The following USP30 variants were observed in gnomAD, a reference collection of about 807,000 sequenced individuals.
USP30 encodes ubiquitin carboxyl-terminal hydrolase 30.
In USP30, 41 loss-of-function variants were observed where a neutral mutation model predicts 68.2. That is an observed-to-expected ratio of 0.60 (90% CI 0.47 to 0.78). USP30 has a LOEUF of 0.78. Among genes scored for constraint, USP30 ranks in the 30% least tolerant of loss-of-function variants. USP30 has a pLI of 0.00. For missense variants in USP30, 522 were observed against 649.4 expected (o/e 0.80, Z 2.13); for synonymous variants, 229 against 253.7 (o/e 0.90, Z 0.93).
chr12:109,058,021 G>T lies in USP30; in HGVS notation c.289G>T (p.Glu97Ter). 1 of 1,614,138 alleles carries T rather than the reference G, an allele frequency of 6.2e-7. No individual in the cohort carries two copies. Among genetic ancestry groups the T allele is most frequent in the Non-Finnish European group, 8.5e-7 (1 of 1,180,032 alleles). Residue 97 changes from glutamate (E) to a stop codon, truncating the protein, a stop_gained, in exon 3 of 13, where the codon GAA becomes TAA. Transcript: ENST00000257548. LOFTEE classifies it high-confidence loss of function. ...CTGTCCTGCTTTCATCAGGTGGCTG[G>T]AAGAGTTCACCTCCCAGTACTCCAG... is the stretch of plus-strand genomic sequence containing the variant. ...SACPAFIRWL[E>*]EFTSQYSRDQ... is the part of the protein sequence containing the mutation.
chr12:109,052,592 C>T lies in USP30; in HGVS notation c.-87C>T. ...GCTGGGACTGCGGCCGCAGGTTCCG[C>T]TGTCTCGGGAACCGTCGTATCCCTC... On this transcript the variant is annotated 5_prime_UTR_variant, in exon 1 of 13. Transcript: ENST00000257548. 2 of 1,326,464 alleles carry T rather than the reference C, an allele frequency of 1.5e-6. No individual in the cohort carries two copies. The highest frequency in any genetic ancestry group is 2.0e-6 in the Non-Finnish European group (2 of 1,021,038). 82.2% of individuals were successfully genotyped at this position (1,326,464 alleles called of 1,614,324 possible). A position where few individuals can be genotyped will look rare whatever the true frequency, so the allele number is the denominator to read the frequency against.
intron 3 of USP30, among the ~76,000 whole-genome samples, chr12:109,045,706 T>C (rs2040598181): frequency 6.6e-6 from 1 of 152,158 alleles, no homozygotes; most frequent in Non-Finnish European, 1.5e-5. Flanking sequence ...CATGGGGTCT[T>C]GTCGGTAACA....
intron 3 of USP30, among the ~76,000 whole-genome samples, chr12:109,029,684 G>T (rs1267291468): frequency 1.3e-5 from 2 of 152,192 alleles, no homozygotes; most frequent in Non-Finnish European, 2.9e-5. Context: ...TAGAAGAGAA[G>T]TGATTTCCTT....
chr12:109,085,714 G>A lies in USP30; in HGVS notation c.1337G>A (p.Gly446Glu). The stretch of plus-strand genomic sequence containing the variant: ...CTGATGGCAGTTGTCGTCCACCATG[G>A]AGACATGCACTCTGGACACTTTGTC... ...FRLMAVVVHHGDMHSGHFVTY... is the reference protein window; with the variant it reads ...FRLMAVVVHHEDMHSGHFVTY... The change falls in exon 13 of 13, where the codon GGA becomes GAA. Residue 446 changes from glycine to glutamate, a missense_variant. Transcript: ENST00000257548. 1 of 1,614,182 alleles carries A rather than the reference G, an allele frequency of 6.2e-7. No homozygotes were observed. The highest frequency in any genetic ancestry group is 8.5e-7 in the Non-Finnish European group (1 of 1,180,038).
chr12:109,046,428 TTTC>T (rs2040606134), intron 3 of USP30, among the ~76,000 whole-genome samples: 2 of 151,764 alleles, frequency 1.3e-5, no homozygotes, highest in South Asian at 4.2e-4. Flanking sequence ...TTTTTTTTTT[TTTC>T]TTCCTCTTCA....
At chr12:109,055,400 A>ATATATATATATATTTT (rs1298811530) in intron 1 of USP30, among the ~76,000 whole-genome samples, 5 of 24,474 alleles carry the variant, frequency 2.0e-4, no homozygotes, top group African/African-American at 5.5e-4. Context: ...ATATATATAT[A>ATATATATATATATTTT]TTTTTTTTTT....
chr12:109,073,965 C>A (rs2041520712), intron 7 of USP30, among the ~76,000 whole-genome samples: 4 of 152,144 alleles, frequency 2.6e-5, no homozygotes, highest in Admixed American at 6.5e-5. Context: ...ACTCCGGGAT[C>A]AGTCAACTTT....
intron 3 of USP30, among the ~76,000 whole-genome samples, chr12:109,035,614 G>A (rs1447974372): frequency 6.6e-6 from 1 of 152,006 alleles, no homozygotes; most frequent in African/African-American, 2.4e-5. Flanking sequence ...CGCCCACCTC[G>A]GCCTCCCAAA....
rs1046410136 is a variant in USP30, at chr12:109,082,430, T to C, written c.868-233T>C. 16 of 568,500 alleles carry C rather than the reference T, an allele frequency of 2.8e-5. No individual in the cohort carries two copies. In the African/African-American group the frequency reaches 3.0e-4, roughly 11 times the overall value. 35.2% of individuals were successfully genotyped at this position (568,500 alleles called of 1,614,324 possible). A position where few individuals can be genotyped will look rare whatever the true frequency, so the allele number is the denominator to read the frequency against. On this transcript the variant is annotated intron_variant, in intron 9 of 12. Coordinates refer to ENST00000257548, the MANE Select transcript of USP30 (RefSeq NM_032663.5). ...GAACAATTAATAGATGACATGCCAG[T>C]GTCAGAGCATCAGTGTTCGCTCTTC...
In USP30 at chr12:109,035,418, C is replaced by T. The variant is rs190837454; in HGVS notation, c.-136+7862C>T. ...CTCACTCTATTGCCAGGCTGGAGTG[C>T]AGTGGCACAATCTCGGCTTACTGCA... is the stretch of plus-strand genomic sequence containing the variant. On this transcript the variant is annotated intron_variant, in intron 3 of 15. Coordinates refer to the USP30 transcript ENST00000392784. Among the ~76,000 whole-genome samples, 37 of 152,138 alleles carry T rather than the reference C, an allele frequency of 2.4e-4. No homozygotes were observed. The East Asian group carries it at 6.9e-3, about 29-fold the overall frequency.
intron 2 of USP30, among the ~76,000 whole-genome samples, chr12:109,057,237 A>G (rs920467631): frequency 7.2e-5 from 11 of 151,952 alleles, no homozygotes; most frequent in African/African-American, 2.2e-4. Flanking sequence ...GTGTGGCTCT[A>G]TGTAACATTG....
intron 8 of USP30, 151 bp from the exon 9 acceptor site, chr12:109,081,782 A>G (rs1034613853): frequency 9.0e-6 from 7 of 776,800 alleles, no homozygotes; most frequent in African/African-American, 1.7e-5. Flanking sequence ...TTTGAGCCCC[A>G]TGTTTGTCCA....
upstream of USP30, among the ~76,000 whole-genome samples, chr12:109,051,572 CTT>C (rs35169304): frequency 5.2e-5 from 5 of 96,002 alleles, no homozygotes; most frequent in Admixed American, 1.3e-4. Context: ...CACCTGACCT[CTT>C]TTTTTTTTTT....
At chr12:109,083,925 G>A (rs1183976902) in intron 11 of USP30, among the ~76,000 whole-genome samples, 1 of 152,100 alleles carries the variant, frequency 6.6e-6, no homozygotes, top group Non-Finnish European at 1.5e-5. Flanking sequence ...GATTAACATC[G>A]AAAAGAGATG....
At chr12:109,064,187 T>C (rs1170388214) in intron 3 of USP30, among the ~76,000 whole-genome samples, 1 of 151,996 alleles carries the variant, frequency 6.6e-6, no homozygotes, top group Non-Finnish European at 1.5e-5. Context: ...TGGTTTTTTG[T>C]TGTTGAGTTT....
chr12:109,071,377 G>A lies in USP30; in HGVS notation c.481-235G>A, dbSNP rs143830379. ...CAGAATGGTCTCATAGACTGCTGGC[G>A]TGAAGGCAGCCACCTGGCTTTCTCT... is the stretch of plus-strand genomic sequence containing the variant. On this transcript the variant is annotated intron_variant, in intron 4 of 12. Coordinates refer to ENST00000257548, the MANE Select transcript of USP30 (RefSeq NM_032663.5). 7.6e-3 allele frequency among the ~76,000 whole-genome samples: 1,165 copies of A among 152,318 alleles called. 9 individuals are homozygous for A. Among genetic ancestry groups the A allele is most frequent in the Non-Finnish European group, 0.012 (844 of 68,028 alleles).
rs547582448 is a variant in USP30 at position 109,058,559 on chromosome 12, C to T, written c.376+451C>T. ...TGCAGTCCAGCCTGAGCAACAAGAG[C>T]GAAACTCCGTCTCAAAAAAAAAAAA... On this transcript the variant is annotated intron_variant, in intron 3 of 12. Transcript: ENST00000257548. Among the ~76,000 whole-genome samples, 7 of 128,982 alleles carry T rather than the reference C, an allele frequency of 5.4e-5. No individual in the cohort carries two copies. The East Asian group carries it at 1.2e-3, about 21-fold the overall frequency. The allele number at this position is 128,982 out of a possible 152,430, so 84.6% of individuals were successfully genotyped here.
chr12:109,039,611 A>G (rs1176187150), intron 3 of USP30, among the ~76,000 whole-genome samples: 1 of 150,312 alleles, frequency 6.7e-6, no homozygotes, highest in Non-Finnish European at 1.5e-5. Flanking sequence ...CTAAGTGATA[A>G]GAATCCATTT....
intron 3 of USP30, among the ~76,000 whole-genome samples, chr12:109,059,246 G>C (rs909345617): frequency 1.3e-5 from 2 of 152,102 alleles, no homozygotes; most frequent in African/African-American, 4.8e-5. Context: ...CCAGCCTGGA[G>C]TGCAGTGGTA....
Sources: gnomAD v4.1 joint callset for allele counts (sites outside exome capture counted in the v4.1 genomes callset) on GRCh38, gnomAD v4.1.1 for gene constraint, MANE v1.5 for transcripts, NCBI Gene and HGNC (gene_info 2026-07-23, HGNC 2026-07-21) for gene names.